The following KLRF1 variants were observed in gnomAD, a reference collection of about 807,000 sequenced individuals.
The protein encoded by KLRF1 is killer cell lectin like receptor F1.
KLRF1 carries 27 observed loss-of-function variants against 30.7 expected under a neutral mutation model. The observed-to-expected ratio is 0.88, with a 90% CI of 0.65 to 1.21. KLRF1 has a LOEUF of 1.21. Ranked by LOEUF, KLRF1 falls within the 50% of genes most tolerant of loss-of-function variation. KLRF1 has a pLI of 0.00. For missense variants in KLRF1, 246 were observed against 259.3 expected (o/e 0.95, Z 0.35); for synonymous variants, 92 against 89.3 (o/e 1.03, Z -0.17).
the KLRF1 span, chr12:9,817,569 T>C: frequency 3.1e-6 from 1 of 324,066 alleles, no homozygotes; most frequent in Non-Finnish European, 6.3e-6. Context: ...AGTCCTAGTC[T>C]TGCATTTTTC....
upstream of KLRF1, among the ~76,000 whole-genome samples, chr12:9,824,024 C>A (rs1212200249): frequency 1.3e-5 from 2 of 152,074 alleles, no homozygotes; most frequent in African/African-American, 2.4e-5. Context: ...CAGATGGATT[C>A]ACAGCCAAAT....
chr12:9,805,196 T>C, the KLRF1 span, among the ~76,000 whole-genome samples: 10 of 152,162 alleles, frequency 6.6e-5, no homozygotes, highest in Admixed American at 6.5e-4. Flanking sequence ...CTGGGCAATT[T>C]ATAAATAATA....
chr12:9,842,519 G>C, intron 5 of KLRF1, 86 bp downstream of exon 5: 1 of 1,190,262 alleles, frequency 8.4e-7, no homozygotes, highest in Admixed American at 2.0e-5. Context: ...CTCTGAAATA[G>C]TTACTGGTAC....
chr12:9,832,351 C>T lies in KLRF1; in HGVS notation c.121C>T (p.Leu41=), dbSNP rs1565505161. Residue 41 remains leucine, a synonymous_variant, in exon 2 of 6, where the codon CTG becomes TTG. Coordinates refer to ENST00000617889, the MANE Select transcript of KLRF1 (RefSeq NM_016523.3). The part of the protein sequence containing the change: ...SVTLHWYKIL[L]GISGTVNGIL... Reference sequence around the variant, plus strand: ...GACGTTGCACTGGTATAAAATCTTACTGGGAATATCTGGAACCGTGAATGG... The same window carrying T: ...GACGTTGCACTGGTATAAAATCTTATTGGGAATATCTGGAACCGTGAATGG... 1 of 1,608,934 alleles carries T rather than the reference C, an allele frequency of 6.2e-7. No individual in the cohort carries two copies. Among genetic ancestry groups the T allele is most frequent in the Non-Finnish European group, 8.5e-7 (1 of 1,175,876 alleles).
the KLRF1 span, among the ~76,000 whole-genome samples, chr12:9,810,571 T>C: frequency 1.3e-5 from 2 of 152,230 alleles, no homozygotes; most frequent in African/African-American, 4.8e-5. Flanking sequence ...TTCATAAATA[T>C]TGAATGACTA....
In KLRF1 at chr12:9,841,935, A is replaced by G. The variant is rs1867712215; in HGVS notation, c.458A>G (p.His153Arg). The G allele has an allele frequency of 3.7e-6, 6 of 1,611,662 alleles. No homozygotes were observed. The highest frequency in any genetic ancestry group is 2.7e-5 in the African/African-American group (2 of 74,790). The change falls in exon 4 of 6, where the codon CAT (histidine) becomes CGT (arginine). Residue 153 changes from histidine (H) to arginine (R), a missense_variant. Transcript: ENST00000617889. ...AGAAAATCTCATCTACTAATCATACATGACCAACTTGAAATGGTAATTGGT... is the reference window on the plus strand; with the variant it reads ...AGAAAATCTCATCTACTAATCATACGTGACCAACTTGAAATGGTAATTGGT... ...LERKSHLLIIHDQLEMAFIQK... is the reference protein window; with the variant it reads ...LERKSHLLIIRDQLEMAFIQK...
chr12:9,828,360 C>T (rs1394916015), intron 1 of KLRF1, among the ~76,000 whole-genome samples: 1 of 152,142 alleles, frequency 6.6e-6, no homozygotes, highest in Non-Finnish European at 1.5e-5. Context: ...GGATTATAGG[C>T]ATGAGCCACC....
intron 3 of KLRF1, among the ~76,000 whole-genome samples, chr12:9,837,446 T>C (rs946633410): frequency 6.6e-6 from 1 of 152,042 alleles, no homozygotes; most frequent in Non-Finnish European, 1.5e-5. Context: ...GCACAATGTT[T>C]GTGTGTGCAG....
chr12:9,811,519 C>T, the KLRF1 span, among the ~76,000 whole-genome samples: 137 of 152,144 alleles, frequency 9.0e-4, no homozygotes, highest in African/African-American at 3.1e-3. Flanking sequence ...TACTCACTTG[C>T]CCCCTTAATG....
the KLRF1 span, among the ~76,000 whole-genome samples, chr12:9,809,119 G>A: frequency 1.3e-5 from 2 of 152,090 alleles, no homozygotes; most frequent in Non-Finnish European, 2.9e-5. Flanking sequence ...AGAGTTTAGC[G>A]AGATGAATTT....
chr12:9,815,353 A>G, the KLRF1 span, among the ~76,000 whole-genome samples: 1 of 152,210 alleles, frequency 6.6e-6, no homozygotes, highest in African/African-American at 2.4e-5. Flanking sequence ...CTATGGTTTG[A>G]TTAATCATTT....
the KLRF1 span, among the ~76,000 whole-genome samples, chr12:9,812,330 A>C: frequency 6.3e-5 from 9 of 143,034 alleles, no homozygotes; most frequent in Non-Finnish European, 1.3e-4. Flanking sequence ...GCACCACTGC[A>C]CTCCAGCCTG....
At chr12:9,820,186 T>A in the KLRF1 span, among the ~76,000 whole-genome samples, 1 of 152,338 alleles carries the variant, frequency 6.6e-6, no homozygotes, top group Non-Finnish European at 1.5e-5. Flanking sequence ...CTCCCTGGGA[T>A]GGAGCTCCCA....
At chr12:9,819,784 C>T in the KLRF1 span, among the ~76,000 whole-genome samples, 48 of 152,378 alleles carry the variant, frequency 3.2e-4, no homozygotes, top group African/African-American at 1.2e-3. Context: ...AGCAGCTCTA[C>T]AGAAAAGTGG....
chr12:9,812,993 A>G, the KLRF1 span, among the ~76,000 whole-genome samples: 1 of 152,174 alleles, frequency 6.6e-6, no homozygotes. Context: ...TAAAACTTCC[A>G]TGGGGGATGG....
chr12:9,841,374 T>A (rs779578240), intron 3 of KLRF1, among the ~76,000 whole-genome samples: 76 of 151,994 alleles, frequency 5.0e-4, no homozygotes, highest in Admixed American at 7.2e-4. Flanking sequence ...TGGGTGCTAC[T>A]TGGATGTTGA....
At chr12:9,801,681 T>G in the KLRF1 span, among the ~76,000 whole-genome samples, 1 of 152,170 alleles carries the variant, frequency 6.6e-6, no homozygotes, top group Admixed American at 6.5e-5. Flanking sequence ...TTTGCCCACT[T>G]TTTGAATGGG....
intron 2 of KLRF1, among the ~76,000 whole-genome samples, chr12:9,832,837 C>A (rs1867470945): frequency 6.6e-6 from 1 of 152,090 alleles, no homozygotes; most frequent in Non-Finnish European, 1.5e-5. Context: ...AGCAAATATT[C>A]ACCGAGCAGC....
chr12:9,816,470 C>T, the KLRF1 span, among the ~76,000 whole-genome samples: 1 of 152,038 alleles, frequency 6.6e-6, no homozygotes, highest in Admixed American at 6.5e-5. Flanking sequence ...TGTTTTATTC[C>T]AACTGGTGTC....
Sources: allele counts gnomAD v4.1 joint callset (sites outside exome capture counted in the v4.1 genomes callset), GRCh38; gene constraint gnomAD v4.1.1; transcripts MANE v1.5; gene names NCBI Gene and HGNC (gene_info 2026-07-23, HGNC 2026-07-21).